Variants in GIGYF2 observed in about 807,000 individuals in gnomAD.
GIGYF2 encodes GRB10-interacting GYF protein 2.
In GIGYF2, 25 loss-of-function variants were observed where a neutral mutation model predicts 208.1. The ratio of observed to expected loss-of-function variants is 0.12; its 90% CI spans 0.09 to 0.17. The LOEUF (loss-of-function observed/expected upper bound fraction) is 0.17, where lower values mean the gene tolerates loss of function less well. GIGYF2 is among the 10% of genes least tolerant of loss of function. The pLI, the probability that GIGYF2 is intolerant of heterozygous loss-of-function variation, is 1.00. For synonymous variants in GIGYF2, 534 were observed against 543.8 expected (o/e 0.98, Z 0.25); for missense variants, 1,302 against 1,579.4 (o/e 0.82, Z 2.98).
At chr2:232,789,966 A>G (rs1700024097) in intron 9 of GIGYF2, among the ~76,000 whole-genome samples, 1 of 152,024 alleles carries the variant, frequency 6.6e-6, no homozygotes, top group African/African-American at 2.4e-5. Flanking sequence ...GATGAGAAAG[A>G]AGGGAGAGGA....
At chr2:232,811,968 C>CT (rs1171557460) in intron 17 of GIGYF2, among the ~76,000 whole-genome samples, 1 of 152,168 alleles carries the variant, frequency 6.6e-6, no homozygotes, top group African/African-American at 2.4e-5. Context: ...AACTGGGACT[C>CT]TGAGAGGCTG....
Position 232,840,012 on chromosome 2 carries a change from C to T in GIGYF2, c.2889+41C>T, listed in dbSNP as rs370327959. ...AAAAGGGATCTAGTCAAGCGATGTT[C>T]CAGAATATCTAGCATGCATTATGGG... On this transcript the variant is annotated intron_variant, in intron 23 of 28. Transcript: ENST00000373563. 24 of 1,595,894 alleles carry T rather than the reference C, an allele frequency of 1.5e-5. No individual in the cohort carries two copies. In the African/African-American group the frequency reaches 1.7e-4, roughly 12 times the overall value.
At position 232,832,627 on chromosome 2, in the gene GIGYF2, A is replaced by C. The variant is rs921055; in HGVS notation, c.2530-230A>C. Among the ~76,000 whole-genome samples the C allele has an allele frequency of 0.27, 40,913 of 152,090 alleles. 6,442 individuals are homozygous for C. Among genetic ancestry groups the C allele is most frequent in the Non-Finnish European group, 0.36 (24,252 of 67,940 alleles). On this transcript the variant is annotated intron_variant, in intron 21 of 28. Transcript: ENST00000373563. ...TCAGAGCTTTGACTGCACATGTTTA[A>C]AATGACAGTCCTTTAATTAAAATTT...
intron 21 of GIGYF2, among the ~76,000 whole-genome samples, chr2:232,821,384 G>C (rs1393025735): frequency 6.6e-6 from 1 of 152,120 alleles, no homozygotes; most frequent in Non-Finnish European, 1.5e-5. Flanking sequence ...ATTTTTGATA[G>C]AGATAGGGTT....
intron 2 of GIGYF2, among the ~76,000 whole-genome samples, chr2:232,727,311 A>G (rs1372315985): frequency 6.6e-6 from 1 of 152,188 alleles, no homozygotes; most frequent in Non-Finnish European, 1.5e-5. Flanking sequence ...ATATCTGTTT[A>G]TTAGAAGTTT....
chr2:232,708,120 A>G (rs1294458244), intron 2 of GIGYF2, among the ~76,000 whole-genome samples: 3 of 151,560 alleles, frequency 2.0e-5, no homozygotes, highest in Non-Finnish European at 4.4e-5. Flanking sequence ...ACCATTGCAC[A>G]TGGCTAATTT....
At chr2:232,748,176 C>T (rs909180711) in intron 4 of GIGYF2, among the ~76,000 whole-genome samples, 8 of 152,200 alleles carry the variant, frequency 5.3e-5, no homozygotes, top group Non-Finnish European at 1.2e-4. Flanking sequence ...AAATGTAACA[C>T]TACATTTGTG....
At position 232,812,425 on chromosome 2, in the gene GIGYF2, A is replaced by T; in HGVS notation, c.2041A>T (p.Arg681Trp). The change falls in exon 18 of 29, where the codon AGG (arginine) becomes TGG (tryptophan). Residue 681 changes from arginine (R) to tryptophan (W), a missense_variant. Arg to Trp is a moderately radical substitution (Grantham distance 101, BLOSUM62 -3). Around this residue, in one of 8 missense-constraint regions of GIGYF2, gnomAD observed 701 missense variants for 793.0 expected, o/e 0.88. Coordinates refer to ENST00000373563, the MANE Select transcript of GIGYF2 (RefSeq NM_001103146.3). ...TCAGAACATCATTCCCTCAGTAACT[A>T]GGTCTGTGTCCGTGCCAGATACTGG... ...SDQNIIPSVT[R>W]SVSVPDTGSI... is the part of the protein sequence containing the mutation. The T allele has an allele frequency of 6.6e-7, 1 of 1,524,472 alleles. No individual in the cohort carries two copies. Among genetic ancestry groups the T allele is most frequent in the Non-Finnish European group, 9.1e-7 (1 of 1,098,702 alleles). 94.4% of individuals were successfully genotyped at this position (1,524,472 alleles called of 1,614,324 possible).
intron 5 of GIGYF2, among the ~76,000 whole-genome samples, chr2:232,753,936 C>T (rs373721296): frequency 8.5e-5 from 13 of 152,086 alleles, no homozygotes; most frequent in Admixed American, 2.6e-4. Flanking sequence ...GAGGCCGAGG[C>T]GGGCAGATCA....
In GIGYF2 at chr2:232,844,029, C is replaced by G. The variant is rs1273573953; in HGVS notation, c.2890-17C>G. On this transcript the variant is annotated splice_polypyrimidine_tract_variant and intron_variant, in intron 23 of 28. Transcript: ENST00000373563. Reference sequence around the variant, plus strand: ...AAAAACAGGAATCCTCAGCTAGCTTCTGTTTTTATGCAACAGCAAAGGCGC... The same window carrying G: ...AAAAACAGGAATCCTCAGCTAGCTTGTGTTTTTATGCAACAGCAAAGGCGC... 6.2e-7 allele frequency: 1 copy of G among 1,611,396 alleles called. No individual in the cohort carries two copies.
At position 232,833,090 on chromosome 2, in the gene GIGYF2, G is replaced by A; in HGVS notation, c.2763G>A (p.Met921Ile). ...QQQQQQQLAQ[M>I]KLPSSSTWGQ... The stretch of plus-strand genomic sequence containing the variant: ...AGCAGCAACAACAGCTGGCGCAGAT[G>A]AAGGTAAAGCCCGAGGCATCAACCT... The change falls in exon 22 of 29, where the codon ATG becomes ATA. Residue 921 changes from methionine to isoleucine, a missense_variant. Coordinates refer to ENST00000373563, the MANE Select transcript of GIGYF2 (RefSeq NM_001103146.3). 3.2e-6 allele frequency: 5 copies of A among 1,550,500 alleles called. No individual in the cohort carries two copies. The highest frequency in any genetic ancestry group is 4.4e-6 in the Non-Finnish European group (5 of 1,145,992).
intron 8 of GIGYF2, chr2:232,768,692 G>A: frequency 6.2e-7 from 1 of 1,606,136 alleles, no homozygotes. Context: ...GGCTAGGTCG[G>A]GTGTTGGCCA....
intron 22 of GIGYF2, 65 bp from the exon 23 acceptor site, chr2:232,839,784 T>A: frequency 6.5e-7 from 1 of 1,536,214 alleles, no homozygotes; most frequent in Non-Finnish European, 9.0e-7. Flanking sequence ...ACATAATGCA[T>A]TATTGCTTCT....
At chr2:232,743,082 T>G (rs1204809457) in intron 3 of GIGYF2, among the ~76,000 whole-genome samples, 3 of 152,104 alleles carry the variant, frequency 2.0e-5, no homozygotes, top group Non-Finnish European at 2.9e-5. Flanking sequence ...CAAGCGAAGA[T>G]TTTGGGAGTA....
intron 8 of GIGYF2, chr2:232,768,549 G>A (rs776500156): frequency 8.7e-6 from 14 of 1,614,022 alleles, no homozygotes; most frequent in East Asian, 2.2e-5. Flanking sequence ...GTGATAGTAC[G>A]TTAGTGGAAA....
chr2:232,731,335 A>T (rs1442136253), intron 2 of GIGYF2: 1 of 152,226 alleles, frequency 6.6e-6, no homozygotes, highest in Non-Finnish European at 1.5e-5. Flanking sequence ...TTTGAATTTT[A>T]GTTGAGATTT....
At chr2:232,852,978 C>T (rs535906795) in intron 28 of GIGYF2, among the ~76,000 whole-genome samples, 8 of 152,168 alleles carry the variant, frequency 5.3e-5, no homozygotes, top group Admixed American at 2.0e-4. Context: ...TTAAGGAATC[C>T]ATATACCTTG....
intron 20 of GIGYF2, among the ~76,000 whole-genome samples, chr2:232,818,304 T>C (rs1338490733): frequency 6.6e-6 from 1 of 152,212 alleles, no homozygotes; most frequent in African/African-American, 2.4e-5. Context: ...TACACGTATA[T>C]TTGCTTTACA....
chr2:232,849,833 T>G lies in GIGYF2; in HGVS notation c.3685-429T>G, dbSNP rs765291807. 2.8e-4 allele frequency among the ~76,000 whole-genome samples: 42 copies of G among 152,236 alleles called. 1 individual carries two copies. The highest frequency in any genetic ancestry group is 3.5e-4 in the Non-Finnish European group (24 of 68,042). On this transcript the variant is annotated intron_variant, in intron 27 of 28. Transcript: ENST00000373563. ...AATAAGGTACACGACTTTAACTTTGTTTGGTAATATGCCACCCCTGTCCTC... is the reference window on the plus strand; with the variant it reads ...AATAAGGTACACGACTTTAACTTTGGTTGGTAATATGCCACCCCTGTCCTC...
Sources: gnomAD v4.1 joint callset for allele counts (sites outside exome capture counted in the v4.1 genomes callset) on GRCh38, gnomAD v4.1.1 for gene constraint, gnomAD v4.1.1 regional missense constraint, MANE v1.5 for transcripts, NCBI Gene and HGNC (gene_info 2026-07-23, HGNC 2026-07-21) for gene names.